CAMK1D: variants seen among roughly 807,000 people sequenced by gnomAD.
The protein encoded by CAMK1D is calcium/calmodulin dependent protein kinase ID.
Under a neutral mutation model 47.7 loss-of-function variants are expected in CAMK1D, and 9 were observed. That is an observed-to-expected ratio of 0.19 (90% CI 0.11 to 0.33). CAMK1D has a LOEUF of 0.33. Ranked by LOEUF, CAMK1D falls within the 10% of genes least tolerant of loss-of-function variation. The probability of loss-of-function intolerance (pLI) is 1.00; values close to 1 mark genes in which losing one functional copy is unlikely to be tolerated. For synonymous variants in CAMK1D, 184 were observed against 184.9 expected, an observed-to-expected ratio of 0.99 and a Z score of 0.04; for missense variants, 291 against 488.7, an observed-to-expected ratio of 0.60 and a Z score of 3.81.
rs554888110 is a variant in CAMK1D at position 12,761,149 on chromosome 10, A to G, written c.438+63A>G. On this transcript the variant is annotated intron_variant, in intron 4 of 10. Transcript: ENST00000619168. ...GCAGCCCGCAATGCACGCGACCAAG[A>G]GGGCTGATGCCAGTGGGGGCATGCA... is the stretch of plus-strand genomic sequence containing the variant. 28 of 1,572,522 alleles carry G rather than the reference A, an allele frequency of 1.8e-5. No homozygotes were observed. The East Asian group carries it at 5.0e-4, about 28-fold the overall frequency.
chr10:12,829,455 C>G lies in CAMK1D; in HGVS notation c.*568C>G, dbSNP rs534213669. 1 of 152,084 alleles carries G rather than the reference C, an allele frequency of 6.6e-6. No homozygotes were observed. The highest frequency in any genetic ancestry group is 1.5e-5 in the Non-Finnish European group (1 of 68,036). 9.4% of individuals were successfully genotyped at this position (152,084 alleles called of 1,614,324 possible). A position where few individuals can be genotyped will look rare whatever the true frequency, so the allele number is the denominator to read the frequency against. The stretch of plus-strand genomic sequence containing the variant: ...TTAAAATTCTAATAAGAGGATCAGC[C>G]GGGTGCAATGACTCATGCCTGTAAT... On this transcript the variant is annotated 3_prime_UTR_variant, in exon 11 of 11. Coordinates refer to ENST00000619168, the MANE Select transcript of CAMK1D (RefSeq NM_153498.4).
At chr10:12,543,437 T>C (rs1836262737) in intron 1 of CAMK1D, among the ~76,000 whole-genome samples, 1 of 152,212 alleles carries the variant, frequency 6.6e-6, no homozygotes, top group African/African-American at 2.4e-5. Flanking sequence ...AAACAGATTC[T>C]CATTTCCATT....
chr10:12,805,027 G>A lies in CAMK1D; in HGVS notation c.642-9168G>A, dbSNP rs188535386. On this transcript the variant is annotated intron_variant, in intron 6 of 10. Transcript: ENST00000619168. ...TATAATCCCAGCACTTTGGGAGGCC[G>A]ATGTAGGCGGATCACGAGGTCAGAA... Among the ~76,000 whole-genome samples the A allele has an allele frequency of 5.0e-3, 756 of 151,028 alleles. 2 individuals carry two copies. Among genetic ancestry groups the A allele is most frequent in the African/African-American group, 0.017 (690 of 41,250 alleles).
At chr10:12,467,194 G>A (rs568234189) in intron 1 of CAMK1D, among the ~76,000 whole-genome samples, 3 of 151,846 alleles carry the variant, frequency 2.0e-5, no homozygotes, top group Non-Finnish European at 2.9e-5. Context: ...ACTCTGTCAC[G>A]CTGGCTGGAG....
intron 2 of CAMK1D, among the ~76,000 whole-genome samples, chr10:12,565,427 T>C (rs936574864): frequency 1.3e-5 from 2 of 152,134 alleles, no homozygotes; most frequent in African/African-American, 4.8e-5. Context: ...CTAGTTTTTG[T>C]ATTTTTAGTA....
intron 2 of CAMK1D, among the ~76,000 whole-genome samples, chr10:12,662,519 G>T (rs1840302727): frequency 6.6e-6 from 1 of 152,160 alleles, no homozygotes; most frequent in Non-Finnish European, 1.5e-5. Context: ...GGGCATGGTG[G>T]CGGGCGCCTG....
chr10:12,666,912 G>C, intron 3 of CAMK1D, 102 bp downstream of exon 3: 1 of 903,520 alleles, frequency 1.1e-6, no homozygotes. Context: ...GCCAGGTAAG[G>C]CAGTAGGGAG....
chr10:12,809,179 A>G (rs934133831), intron 6 of CAMK1D, among the ~76,000 whole-genome samples: 1 of 152,132 alleles, frequency 6.6e-6, no homozygotes, highest in Non-Finnish European at 1.5e-5. Context: ...TAGTCATCCT[A>G]ACGGGTGGGA....
Position 12,519,885 on chromosome 10 carries a change from CG to C in CAMK1D, c.93-33334del, listed in dbSNP as rs1165051274. ...CTCCCGGACGGGGCGGCTGGCCGGG[CG>C]GGGGGCTGACCCCCCACCTCCCTCC... On this transcript the variant is annotated intron_variant, in intron 1 of 10. Coordinates refer to ENST00000619168, the MANE Select transcript of CAMK1D (RefSeq NM_153498.4). Among the ~76,000 whole-genome samples, 5 of 24,020 alleles carry C rather than the reference CG, an allele frequency of 2.1e-4. No individual in the cohort carries two copies. The East Asian group carries it at 4.4e-3, about 21-fold the overall frequency. The allele number at this position is 24,020 out of a possible 152,430, so 15.8% of individuals were successfully genotyped here.
intron 1 of CAMK1D, among the ~76,000 whole-genome samples, chr10:12,502,317 A>G (rs774349943): frequency 2.6e-5 from 4 of 152,168 alleles, no homozygotes; most frequent in Non-Finnish European, 4.4e-5. Flanking sequence ...GGGAATGGAA[A>G]ATCAGGCGGT....
rs902926386 is a variant in CAMK1D, at chr10:12,424,081, G to T, written c.92+74171G>T. 4.6e-5 allele frequency among the ~76,000 whole-genome samples: 7 copies of T among 152,104 alleles called. No homozygotes were observed. The East Asian group carries it at 1.4e-3, about 29-fold the overall frequency. On this transcript the variant is annotated intron_variant, in intron 1 of 10. Transcript: ENST00000619168. The stretch of plus-strand genomic sequence containing the variant: ...AACTGGCCATGGAAACTTCTCCCTC[G>T]CATGTCCCCACCACTGCCTGGTCCC...
chr10:12,667,674 G>C (rs1334906303), intron 3 of CAMK1D, among the ~76,000 whole-genome samples: 1 of 152,178 alleles, frequency 6.6e-6, no homozygotes, highest in Admixed American at 6.5e-5. Context: ...TTGAACATTA[G>C]AATATAGACT....
chr10:12,819,212 G>C (rs1832921735), intron 8 of CAMK1D, among the ~76,000 whole-genome samples: 1 of 152,220 alleles, frequency 6.6e-6, no homozygotes, highest in South Asian at 2.1e-4. Context: ...AGGAGGTGGA[G>C]GCCCTGCTGA....
At chr10:12,456,789 A>AAAAAC (rs1564351143) in intron 1 of CAMK1D, among the ~76,000 whole-genome samples, 5 of 150,044 alleles carry the variant, frequency 3.3e-5, no homozygotes, top group Non-Finnish European at 3.0e-5. Flanking sequence ...AAAAAAAAAA[A>AAAAAC]TCTCTACCTT....
chr10:12,375,041 C>T (rs1302239561), intron 1 of CAMK1D, among the ~76,000 whole-genome samples: 3 of 151,938 alleles, frequency 2.0e-5, no homozygotes, highest in African/African-American at 7.3e-5. Context: ...AAGTGATTCT[C>T]CCACCTCGGC....
intron 3 of CAMK1D, among the ~76,000 whole-genome samples, chr10:12,706,573 G>T (rs1833732921): frequency 6.6e-6 from 1 of 152,056 alleles, no homozygotes; most frequent in Admixed American, 6.6e-5. Context: ...ACCCTTAGCT[G>T]AGCATGGTGG....
rs113295344 is a variant in CAMK1D, at chr10:12,405,808, G to T, written c.92+55898G>T. On this transcript the variant is annotated intron_variant, in intron 1 of 10. Transcript: ENST00000619168. ...ACACTTAGCTTTAATATTGGCATGC[G>T]TTGTTAAACATTTATTACAAGTACT... 3.3e-4 allele frequency among the ~76,000 whole-genome samples: 51 copies of T among 152,264 alleles called. 2 individuals carry two copies. The highest frequency in any genetic ancestry group is 1.0e-3 in the African/African-American group (43 of 41,538).
At chr10:12,421,277 C>A (rs998340822) in intron 1 of CAMK1D, among the ~76,000 whole-genome samples, 18 of 152,156 alleles carry the variant, frequency 1.2e-4, no homozygotes, top group African/African-American at 4.3e-4. Flanking sequence ...GAGAAAAATC[C>A]TATGAATAAA....
intron 1 of CAMK1D, among the ~76,000 whole-genome samples, chr10:12,390,076 G>C (rs1358052591): frequency 6.6e-6 from 1 of 152,166 alleles, no homozygotes; most frequent in Non-Finnish European, 1.5e-5. Flanking sequence ...CCAATAAACT[G>C]TTCTGGAGGA....
Sources: gnomAD v4.1 joint callset for allele counts (sites outside exome capture counted in the v4.1 genomes callset) on GRCh38, gnomAD v4.1.1 for gene constraint, MANE v1.5 for transcripts, NCBI Gene and HGNC (gene_info 2026-07-23, HGNC 2026-07-21) for gene names.